LEPR: variants seen among roughly 807,000 people sequenced by gnomAD.
LEPR encodes the protein leptin receptor.
Under a neutral mutation model 114.7 loss-of-function variants are expected in LEPR, and 56 were observed. That is an observed-to-expected ratio of 0.49 (90% CI 0.39 to 0.61). The LOEUF (loss-of-function observed/expected upper bound fraction) is 0.61, where lower values mean the gene tolerates loss of function less well. Ranked by LOEUF, LEPR falls within the 20% of genes least tolerant of loss-of-function variation. The probability of loss-of-function intolerance (pLI) is 0.00; values close to 1 mark genes in which losing one functional copy is unlikely to be tolerated. For missense variants in LEPR, 1,202 were observed against 1,352.9 expected, an observed-to-expected ratio of 0.89 and a Z score of 1.75; for synonymous variants, 443 against 461.4, an observed-to-expected ratio of 0.96 and a Z score of 0.51.
intron 2 of LEPR, among the ~76,000 whole-genome samples, chr1:65,484,109 G>A (rs1056151672): frequency 2.6e-5 from 4 of 151,760 alleles, no homozygotes; most frequent in Non-Finnish European, 4.4e-5. Flanking sequence ...CTCTTGCCTC[G>A]GCCTTCCAAA....
intron 2 of LEPR, among the ~76,000 whole-genome samples, chr1:65,451,799 T>A (rs1267160666): frequency 4.6e-5 from 7 of 152,128 alleles, no homozygotes; most frequent in East Asian, 1.9e-4. Context: ...AAGTAGTTTT[T>A]TCCAATTCTG....
chr1:65,435,954 T>C (rs1646557392), intron 2 of LEPR: 1 of 985,262 alleles, frequency 1.0e-6, no homozygotes, highest in African/African-American at 1.7e-5. Context: ...TAACCCCAAA[T>C]GTGATGTGAG....
chr1:65,600,631 T>G (rs745700434), intron 8 of LEPR, among the ~76,000 whole-genome samples: 1 of 152,088 alleles, frequency 6.6e-6, no homozygotes, highest in Non-Finnish European at 1.5e-5. Context: ...ATGTAAACCA[T>G]CATTTACTTG....
chr1:65,491,229 T>C (rs143861310), intron 2 of LEPR, among the ~76,000 whole-genome samples: 1 of 152,122 alleles, frequency 6.6e-6, no homozygotes, highest in Non-Finnish European at 1.5e-5. Flanking sequence ...CTAGTTCAGA[T>C]GGGAAGTGAT....
intron 2 of LEPR, among the ~76,000 whole-genome samples, chr1:65,485,864 G>A (rs181726385): frequency 1.1e-4 from 16 of 152,254 alleles, no homozygotes; most frequent in East Asian, 5.8e-4. Flanking sequence ...GGGGAATGAC[G>A]TAATTAAGCC....
At chr1:65,525,655 G>C (rs1039090748) in intron 2 of LEPR, 1 of 985,518 alleles carries the variant, frequency 1.0e-6, no homozygotes, top group African/African-American at 1.7e-5. Context: ...CCACGCACTC[G>C]GCTGCCCTCC....
At chr1:65,603,260 C>A (rs1656571591) in intron 10 of LEPR, among the ~76,000 whole-genome samples, 2 of 151,948 alleles carry the variant, frequency 1.3e-5, no homozygotes, top group Admixed American at 6.6e-5. Context: ...TTCAAGTGTA[C>A]TAGTACTGTG....
chr1:65,454,378 C>T (rs1346496103), intron 2 of LEPR, among the ~76,000 whole-genome samples: 3 of 151,970 alleles, frequency 2.0e-5, no homozygotes, highest in Admixed American at 6.6e-5. Flanking sequence ...TTCGTAGTCT[C>T]GATGGTCTTT....
chr1:65,421,895 A>C (rs1311987684), intron 1 of LEPR, among the ~76,000 whole-genome samples: 4 of 152,234 alleles, frequency 2.6e-5, no homozygotes, highest in Non-Finnish European at 5.9e-5. Flanking sequence ...ATGGAAACGG[A>C]CTAAGGGAAG....
intron 2 of LEPR, among the ~76,000 whole-genome samples, chr1:65,496,565 C>T (rs182908626): frequency 1.1e-4 from 16 of 152,204 alleles, no homozygotes; most frequent in African/African-American, 3.6e-4. Context: ...GTAAGACCCT[C>T]TCTCAGAAAA....
At chr1:65,478,076 G>T (rs1264871646) in intron 2 of LEPR, among the ~76,000 whole-genome samples, 2 of 152,184 alleles carry the variant, frequency 1.3e-5, no homozygotes, top group Non-Finnish European at 1.5e-5. Flanking sequence ...GTAATTACAA[G>T]ATTTCCTTCC....
intron 5 of LEPR, among the ~76,000 whole-genome samples, chr1:65,575,202 C>A (rs544224852): frequency 6.6e-6 from 1 of 152,082 alleles, no homozygotes; most frequent in African/African-American, 2.4e-5. Flanking sequence ...TTCTAGCTCC[C>A]CCACAGGTAG....
chr1:65,504,092 G>A (rs1648601844), intron 2 of LEPR, among the ~76,000 whole-genome samples: 1 of 152,072 alleles, frequency 6.6e-6, no homozygotes, highest in Non-Finnish European at 1.5e-5. Flanking sequence ...ACGCTGGGAC[G>A]ATTTGAGCAA....
At chr1:65,440,000 C>CAAAAAAAA (rs550347312) in intron 2 of LEPR, among the ~76,000 whole-genome samples, 13 of 58,124 alleles carry the variant, frequency 2.2e-4, no homozygotes, top group South Asian at 7.7e-4. Context: ...GATTCTGTCT[C>CAAAAAAAA]AAAAAAAAAA....
At chr1:65,620,372 C>A (rs1338162423) in intron 17 of LEPR, among the ~76,000 whole-genome samples, 2 of 152,012 alleles carry the variant, frequency 1.3e-5, no homozygotes, top group Non-Finnish European at 2.9e-5. Flanking sequence ...GAATAAAAAT[C>A]ATTAAAAAAA....
At chr1:65,478,195 C>G (rs1475088917) in intron 2 of LEPR, among the ~76,000 whole-genome samples, 1 of 152,086 alleles carries the variant, frequency 6.6e-6, no homozygotes, top group Non-Finnish European at 1.5e-5. Context: ...GGAAAAACAC[C>G]CAGGCTAGGA....
At chr1:65,631,701 TTTTTG>T (rs1445980830) in intron 19 of LEPR, among the ~76,000 whole-genome samples, 8 of 152,188 alleles carry the variant, frequency 5.3e-5, no homozygotes, top group Non-Finnish European at 2.9e-5. Flanking sequence ...ATATATTGAA[TTTTTG>T]TTGTAAGAAA....
intron 2 of LEPR, among the ~76,000 whole-genome samples, chr1:65,504,551 AT>A (rs1648627187): frequency 6.6e-6 from 1 of 152,196 alleles, no homozygotes; most frequent in Non-Finnish European, 1.5e-5. Flanking sequence ...GCAAATCACA[AT>A]TGAGGGGCAT....
rs539550734 is a variant in LEPR at position 65,541,145 on chromosome 1, A to G, written c.-20-24401A>G. Among the ~76,000 whole-genome samples, 522 of 152,282 alleles carry G rather than the reference A, an allele frequency of 3.4e-3. 3 individuals are homozygous for G. The highest frequency in any genetic ancestry group is 5.8e-3 in the Non-Finnish European group (393 of 68,020). On this transcript the variant is annotated intron_variant, in intron 2 of 19. Transcript: ENST00000349533. ...GTCCCAGTTTACCATCTTGAACCTG[A>G]AGTCCCACTGGTATTATCGTGCTTT...
Sources: allele counts gnomAD v4.1 joint callset (sites outside exome capture counted in the v4.1 genomes callset), GRCh38; gene constraint gnomAD v4.1.1; transcripts MANE v1.5; gene names NCBI Gene and HGNC (gene_info 2026-07-23, HGNC 2026-07-21).